DNMT3A: variants seen among roughly 807,000 people sequenced by gnomAD.
DNMT3A encodes the protein DNA methyltransferase 3 alpha.
A neutral mutation model predicts 117.6 loss-of-function variants in DNMT3A; 267 were observed. The observed-to-expected ratio is 2.27, with a 90% CI of 2.05 to 2.51. DNMT3A has a LOEUF of 2.51. DNMT3A is among the 30% of genes most tolerant of loss of function. The probability of loss-of-function intolerance (pLI) is 0.00; values close to 1 mark genes in which losing one functional copy is unlikely to be tolerated. For synonymous variants in DNMT3A, 432 were observed against 474.8 expected, an observed-to-expected ratio of 0.91 and a Z score of 1.17; for missense variants, 1,029 against 1,260.2, an observed-to-expected ratio of 0.82 and a Z score of 2.78.
At chr2:25,259,850 A>T (rs996944020) in intron 6 of DNMT3A, among the ~76,000 whole-genome samples, 2 of 152,204 alleles carry the variant, frequency 1.3e-5, no homozygotes, top group Non-Finnish European at 2.9e-5. Context: ...CCCAGCAGAC[A>T]GGCACTGCGG....
In DNMT3A at chr2:25,339,177, T is replaced by C. The variant is rs758496347; in HGVS notation, c.-178+2649A>G. On this transcript the variant is annotated intron_variant, in intron 1 of 22. Coordinates refer to ENST00000321117, the MANE Select transcript of DNMT3A (RefSeq NM_022552.5). This position sits in a 1 kb window ranked among gnomAD's most constrained non-coding sequence, Gnocchi z 4.9. The stretch of plus-strand genomic sequence containing the variant: ...CGAAAAACAGACCACCCTGTCCCCA[T>C]TGCTAGGCCTGAAATTCCACCACTA... Among the ~76,000 whole-genome samples the C allele has an allele frequency of 1.3e-5, 2 of 151,968 alleles. No individual in the cohort carries two copies. Among genetic ancestry groups the C allele is most frequent in the Non-Finnish European group, 2.9e-5 (2 of 67,992 alleles).
At chr2:25,322,450 T>A (rs1012939913) in intron 1 of DNMT3A, among the ~76,000 whole-genome samples, 2 of 151,470 alleles carry the variant, frequency 1.3e-5, no homozygotes, top group Admixed American at 6.6e-5. Flanking sequence ...TACCTCCCTC[T>A]CCACCCCCCA....
rs1297028017 is a variant in DNMT3A at position 25,304,290 on chromosome 2, C to G, written c.73-4047G>C. Among the ~76,000 whole-genome samples, 1 of 152,156 alleles carries G rather than the reference C, an allele frequency of 6.6e-6. No individual in the cohort carries two copies. The highest frequency in any genetic ancestry group is 1.5e-5 in the Non-Finnish European group (1 of 68,040). On this transcript the variant is annotated intron_variant, in intron 2 of 22. Coordinates refer to ENST00000321117, the MANE Select transcript of DNMT3A (RefSeq NM_022552.5). The surrounding 1 kb of genome is among the most constrained non-coding windows in gnomAD (Gnocchi z 4.3). ...CCTCCCTGAGTCTTGCTTTCCTCAT[C>G]TATAAAATGGGATGATATCTACTTC...
rs188759547 is a variant in DNMT3A, at chr2:25,297,202, G to A, written c.177+2937C>T. Among the ~76,000 whole-genome samples, 5 of 152,266 alleles carry A rather than the reference G, an allele frequency of 3.3e-5. No homozygotes were observed. In the East Asian group the frequency reaches 9.7e-4, roughly 29 times the overall value. On this transcript the variant is annotated intron_variant, in intron 3 of 22. Coordinates refer to ENST00000321117, the MANE Select transcript of DNMT3A (RefSeq NM_022552.5). ...GGCCATGCTGGCTGCTGTCCTCGGGGTCAGTCTTTCTCGGTTCCTCCAATG... is the reference window on the plus strand; with the variant it reads ...GGCCATGCTGGCTGCTGTCCTCGGGATCAGTCTTTCTCGGTTCCTCCAATG...
chr2:25,329,410 T>C (rs1573505363), intron 1 of DNMT3A, among the ~76,000 whole-genome samples: 1 of 152,250 alleles, frequency 6.6e-6, no homozygotes, highest in East Asian at 1.9e-4. Flanking sequence ...ACTCAATAAA[T>C]GATCATTTAA....
rs78860013 is a variant in DNMT3A, at chr2:25,264,799, T to A, written c.639+10142A>T. On this transcript the variant is annotated intron_variant, in intron 6 of 22. Coordinates refer to ENST00000321117, the MANE Select transcript of DNMT3A (RefSeq NM_022552.5). ...TATAAGGATGCTTCACGTATGTGCC[T>A]TTAGAAGAGACGTATATGCGAGGTC... 5.4e-3 allele frequency among the ~76,000 whole-genome samples: 821 copies of A among 152,288 alleles called. 9 individuals are homozygous for A. The highest frequency in any genetic ancestry group is 0.019 in the African/African-American group (777 of 41,560).
At chr2:25,332,404 G>C (rs1166305986) in intron 1 of DNMT3A, among the ~76,000 whole-genome samples, 1 of 152,166 alleles carries the variant, frequency 6.6e-6, no homozygotes. Flanking sequence ...TCTGAGCCCT[G>C]GTAATCCCTG....
chr2:25,255,390 C>T (rs554158912), intron 6 of DNMT3A, among the ~76,000 whole-genome samples: 1 of 152,240 alleles, frequency 6.6e-6, no homozygotes, highest in South Asian at 2.1e-4. Flanking sequence ...GTAAAATAAG[C>T]CATGTTCTTG....
In DNMT3A at chr2:25,339,986, T is replaced by A. The variant is rs1053066337; in HGVS notation, c.-178+1840A>T. ...GCAGCCTAGGGTGAAACATGAAGAC[T>A]GAGCAGGCCCTCAGGGATGCTGATG... On this transcript the variant is annotated intron_variant, in intron 1 of 22. Transcript: ENST00000321117. The surrounding 1 kb of genome is among the most constrained non-coding windows in gnomAD (Gnocchi z 4.9). Among the ~76,000 whole-genome samples the A allele has an allele frequency of 6.6e-6, 1 of 152,210 alleles. No homozygotes were observed. The highest frequency in any genetic ancestry group is 2.4e-5 in the African/African-American group (1 of 41,462).
intron 16 of DNMT3A, among the ~76,000 whole-genome samples, chr2:25,243,518 C>A (rs1558663853): frequency 3.3e-5 from 5 of 152,076 alleles, no homozygotes; most frequent in Admixed American, 2.6e-4. Flanking sequence ...TTAAATAAGT[C>A]TTCTTTAGAC....
rs527882199 is a variant in DNMT3A, at chr2:25,296,779, G to T, written c.177+3360C>A. On this transcript the variant is annotated intron_variant, in intron 3 of 22. Coordinates refer to ENST00000321117, the MANE Select transcript of DNMT3A (RefSeq NM_022552.5). The surrounding 1 kb of genome is among the most constrained non-coding windows in gnomAD (Gnocchi z 4.2). ...TTGAAGGCCAAGACAGACAGTCCTT[G>T]GGGGCAAAAGGAGGAGAGAGCCCAG... is the stretch of plus-strand genomic sequence containing the variant. Among the ~76,000 whole-genome samples the T allele has an allele frequency of 3.3e-5, 5 of 152,358 alleles. No homozygotes were observed. The highest frequency in any genetic ancestry group is 1.3e-4 in the Admixed American group (2 of 15,312).
chr2:25,329,121 G>A (rs2034911331), intron 1 of DNMT3A, among the ~76,000 whole-genome samples: 1 of 152,176 alleles, frequency 6.6e-6, no homozygotes, highest in Non-Finnish European at 1.5e-5. Context: ...CCACAGGGCC[G>A]CCTTTCTCCT....
intron 6 of DNMT3A, among the ~76,000 whole-genome samples, chr2:25,258,846 A>G (rs1164096940): frequency 6.6e-6 from 1 of 152,220 alleles, no homozygotes; most frequent in Non-Finnish European, 1.5e-5. Context: ...AATGAAAAGC[A>G]CAAGCACAGC....
chr2:25,237,041 C>G lies in DNMT3A; in HGVS notation c.2409-36G>C. On this transcript the variant is annotated intron_variant, in intron 20 of 22. Coordinates refer to ENST00000321117, the MANE Select transcript of DNMT3A (RefSeq NM_022552.5). This position sits in a 1 kb window ranked among gnomAD's most constrained non-coding sequence, Gnocchi z 5.4. ...GAAGAGAGACTGTAACAACAGAAAC[C>G]TGGATAACAGCGGGAAGGGCCCCAG... 6.2e-7 allele frequency: 1 copy of G among 1,609,842 alleles called. No homozygotes were observed. The highest frequency in any genetic ancestry group is 8.5e-7 in the Non-Finnish European group (1 of 1,177,966).
Position 25,239,204 on chromosome 2 carries a change from CACAGGGTTGG to C in DNMT3A, c.2324_2333del (p.Ser775Ter). 6.2e-7 allele frequency: 1 copy of C among 1,613,818 alleles called. No individual in the cohort carries two copies. Among genetic ancestry groups the C allele is most frequent in the Non-Finnish European group, 8.5e-7 (1 of 1,179,890 alleles). ...CTGACACTTCTTTGGCATCAATCAT[CACAGGGTTGG>C]ACTACAAAACAGGAGACGGTTTGAA... On this transcript the variant is annotated frameshift_variant and splice_region_variant, in exon 20 of 23. Coordinates refer to ENST00000321117, the MANE Select transcript of DNMT3A (RefSeq NM_022552.5). LOFTEE classifies it high-confidence loss of function.
intron 6 of DNMT3A, among the ~76,000 whole-genome samples, chr2:25,272,264 G>C (rs2030972976): frequency 6.6e-6 from 1 of 152,242 alleles, no homozygotes; most frequent in African/African-American, 2.4e-5. Context: ...TGGGGTTACA[G>C]GTGTGAGCCA....
At chr2:25,278,072 C>T (rs1384812633) in intron 4 of DNMT3A, among the ~76,000 whole-genome samples, 1 of 149,828 alleles carries the variant, frequency 6.7e-6, no homozygotes, top group African/African-American at 2.5e-5. Flanking sequence ...GCCGGGCCGC[C>T]TCGGAATGCG....
chr2:25,282,253 C>T lies in DNMT3A; in HGVS notation c.448+188G>A. 7.2e-7 allele frequency: 1 copy of T among 1,380,418 alleles called. No homozygotes were observed. The highest frequency in any genetic ancestry group is 1.7e-5 in the South Asian group (1 of 59,354). 85.5% of individuals were successfully genotyped at this position (1,380,418 alleles called of 1,614,324 possible). A position where few individuals can be genotyped will look rare whatever the true frequency, so the allele number is the denominator to read the frequency against. On this transcript the variant is annotated intron_variant, in intron 4 of 22. Transcript: ENST00000321117. The surrounding 1 kb of genome is among the most constrained non-coding windows in gnomAD (Gnocchi z 5.2). ...TAATTTTTTAAATGTTTAAAACACTCTATGGGCCAAATAAAACATATGCGC... is the reference window on the plus strand; with the variant it reads ...TAATTTTTTAAATGTTTAAAACACTTTATGGGCCAAATAAAACATATGCGC...
In DNMT3A at chr2:25,282,116, T is replaced by C; in HGVS notation, c.448+325A>G. 1 of 1,140,834 alleles carries C rather than the reference T, an allele frequency of 8.8e-7. No individual in the cohort carries two copies. Among genetic ancestry groups the C allele is most frequent in the Non-Finnish European group, 1.1e-6 (1 of 890,176 alleles). The allele number at this position is 1,140,834 out of a possible 1,614,324, so 70.7% of individuals were successfully genotyped here. A position where few individuals can be genotyped will look rare whatever the true frequency, so the allele number is the denominator to read the frequency against. On this transcript the variant is annotated intron_variant, in intron 4 of 22. Transcript: ENST00000321117. The surrounding 1 kb of genome is among the most constrained non-coding windows in gnomAD (Gnocchi z 5.2). ...GACCGCCATTATCCCAGTCTAGCAATCGTTGGCGTTATGAAAGCCCGCTGT... is the reference window on the plus strand; with the variant it reads ...GACCGCCATTATCCCAGTCTAGCAACCGTTGGCGTTATGAAAGCCCGCTGT...
Sources: allele counts gnomAD v4.1 joint callset (sites outside exome capture counted in the v4.1 genomes callset), GRCh38; gene constraint gnomAD v4.1.1; non-coding constraint Gnocchi (gnomAD v3.1); transcripts MANE v1.5; gene names NCBI Gene and HGNC (gene_info 2026-07-23, HGNC 2026-07-21).